The following RNLS variants were observed in gnomAD, a reference collection of about 807,000 sequenced individuals.
The protein encoded by RNLS is renalase.
A neutral mutation model predicts 39.8 loss-of-function variants in RNLS; 39 were observed. The ratio of observed to expected loss-of-function variants is 0.98; its 90% CI spans 0.76 to 1.28. RNLS has a LOEUF of 1.28. RNLS is among the 50% of genes most tolerant of loss of function. The pLI is 0.00. For missense variants in RNLS, 410 were observed against 413.3 expected (o/e 0.99, Z 0.07); for synonymous variants, 147 against 150.7 (o/e 0.98, Z 0.18).
At chr10:88,331,511 G>T (rs1395900313) in intron 5 of RNLS, among the ~76,000 whole-genome samples, 1 of 152,184 alleles carries the variant, frequency 6.6e-6, no homozygotes, top group Non-Finnish European at 1.5e-5. Flanking sequence ...ACATCTTACT[G>T]GGGGAAATGA....
chr10:88,275,247 C>T (rs1003307549), intron 6 of RNLS, among the ~76,000 whole-genome samples: 75 of 152,222 alleles, frequency 4.9e-4, no homozygotes, highest in African/African-American at 1.7e-3. Flanking sequence ...AACCTTGTCC[C>T]ACTTATTTCA....
intron 4 of RNLS, among the ~76,000 whole-genome samples, chr10:88,540,848 T>C (rs994814990): frequency 3.3e-5 from 5 of 152,024 alleles, no homozygotes; most frequent in African/African-American, 4.8e-5. Flanking sequence ...GATTAGGCAA[T>C]GTGTATCATA....
At chr10:88,245,846 T>C in the RNLS span, among the ~76,000 whole-genome samples, 1 of 152,236 alleles carries the variant, frequency 6.6e-6, no homozygotes. Flanking sequence ...GCTTGATTCC[T>C]GATTTGGAAA....
intron 4 of RNLS, among the ~76,000 whole-genome samples, chr10:88,376,379 GGA>G (rs1000145447): frequency 6.6e-6 from 1 of 151,932 alleles, no homozygotes; most frequent in Non-Finnish European, 1.5e-5. Flanking sequence ...ATGCATATTG[GGA>G]AATTGAATTG....
intron 5 of RNLS, among the ~76,000 whole-genome samples, chr10:88,320,343 C>T (rs113413213): frequency 1.3e-3 from 200 of 151,590 alleles, no homozygotes; most frequent in African/African-American, 4.1e-3. Context: ...CATAAAAGTA[C>T]ACATAAGGCC....
chr10:88,483,697 C>T (rs1410816192), intron 4 of RNLS, among the ~76,000 whole-genome samples: 1 of 151,882 alleles, frequency 6.6e-6, no homozygotes, highest in Non-Finnish European at 1.5e-5. Flanking sequence ...TTTCTGGTTT[C>T]CATTTCTTTG....
intron 4 of RNLS, among the ~76,000 whole-genome samples, chr10:88,395,973 A>G (rs919030022): frequency 1.3e-5 from 2 of 152,104 alleles, no homozygotes; most frequent in African/African-American, 4.8e-5. Flanking sequence ...TCTACCAAGA[A>G]TTCTACATTC....
At chr10:88,499,312 T>C (rs1230503114) in intron 4 of RNLS, among the ~76,000 whole-genome samples, 7 of 152,138 alleles carry the variant, frequency 4.6e-5, no homozygotes, top group African/African-American at 1.4e-4. Context: ...TTCCCATTTG[T>C]TTAACACTGT....
chr10:88,291,750 G>T (rs762571491), intron 6 of RNLS, among the ~76,000 whole-genome samples: 9 of 151,958 alleles, frequency 5.9e-5, no homozygotes, highest in East Asian at 1.9e-4. Flanking sequence ...TTGATGCATT[G>T]CCTTTCTCCA....
At chr10:88,248,036 G>A in the RNLS span, among the ~76,000 whole-genome samples, 1 of 152,204 alleles carries the variant, frequency 6.6e-6, no homozygotes, top group South Asian at 2.1e-4. Context: ...TCTGACCTCT[G>A]CAACTGTAAG....
chr10:88,340,316 C>T (rs941085622), intron 5 of RNLS, among the ~76,000 whole-genome samples: 2 of 152,196 alleles, frequency 1.3e-5, no homozygotes, highest in Admixed American at 1.3e-4. Context: ...ATTTTTTAGG[C>T]TTCTGACTTT....
chr10:88,556,866 T>C (rs953000212), intron 4 of RNLS, among the ~76,000 whole-genome samples: 7 of 152,170 alleles, frequency 4.6e-5, no homozygotes, highest in Non-Finnish European at 1.0e-4. Flanking sequence ...TCCCTCAGCA[T>C]GTACCATCAT....
intron 5 of RNLS, chr10:88,343,404 G>T (rs1009099882): frequency 2.5e-6 from 1 of 400,062 alleles, no homozygotes; most frequent in Non-Finnish European, 3.4e-6. Flanking sequence ...CTAGGAGATT[G>T]GTGGCTCCAT....
chr10:88,178,155 G>A, the RNLS span, among the ~76,000 whole-genome samples: 1 of 152,168 alleles, frequency 6.6e-6, no homozygotes, highest in Non-Finnish European at 1.5e-5. Context: ...GAACTTGGGT[G>A]CTGGGTTCTC....
Position 88,365,560 on chromosome 10 carries a change from C to T in RNLS, c.527-2835G>A, listed in dbSNP as rs558571298. 9.7e-4 allele frequency among the ~76,000 whole-genome samples: 143 copies of T among 147,508 alleles called. 1 individual carries two copies. The highest frequency in any genetic ancestry group is 2.0e-3 in the Admixed American group (30 of 14,758). On this transcript the variant is annotated intron_variant, in intron 4 of 6. Transcript: ENST00000331772. Reference sequence around the variant, plus strand: ...ACACACACACACACACACACACGTACGTATATGTAGGATATGTTATATATT... The same window carrying T: ...ACACACACACACACACACACACGTATGTATATGTAGGATATGTTATATATT...
chr10:88,533,650 G>T (rs577394862), intron 4 of RNLS, among the ~76,000 whole-genome samples: 1 of 152,188 alleles, frequency 6.6e-6, no homozygotes, highest in African/African-American at 2.4e-5. Context: ...ACGATAGGCA[G>T]ATCCCTTAAA....
the RNLS span, among the ~76,000 whole-genome samples, chr10:88,230,113 G>A: frequency 6.6e-6 from 1 of 152,134 alleles, no homozygotes; most frequent in African/African-American, 2.4e-5. Flanking sequence ...GGTTGAAGAT[G>A]AGTCAATCTT....
intron 5 of RNLS, among the ~76,000 whole-genome samples, chr10:88,357,252 G>GTTTAA (rs1244882076): frequency 6.6e-6 from 1 of 152,182 alleles, no homozygotes; most frequent in Non-Finnish European, 1.5e-5. Context: ...GCAACAGATA[G>GTTTAA]TTTAATTTAC....
the RNLS span, among the ~76,000 whole-genome samples, chr10:88,266,578 A>G: frequency 6.6e-6 from 1 of 152,160 alleles, no homozygotes; most frequent in Non-Finnish European, 1.5e-5. Context: ...CCAACAGTCT[A>G]GAAGTTGTGG....
Sources: allele counts gnomAD v4.1 joint callset (sites outside exome capture counted in the v4.1 genomes callset), GRCh38; gene constraint gnomAD v4.1.1; transcripts MANE v1.5; gene names NCBI Gene and HGNC (gene_info 2026-07-23, HGNC 2026-07-21).